FRK: variants seen among roughly 807,000 people sequenced by gnomAD.
The protein encoded by FRK is fyn related Src family tyrosine kinase.
FRK carries 51 observed loss-of-function variants against 56.4 expected under a neutral mutation model. The ratio of observed to expected loss-of-function variants is 0.90; its 90% confidence interval spans 0.72 to 1.14. FRK has a LOEUF of 1.14. Among genes scored for constraint, FRK ranks in the 50% most tolerant of loss-of-function variants. The pLI is 0.00. For missense variants in FRK, 570 were observed against 601.4 expected (o/e 0.95, Z 0.55); for synonymous variants, 245 against 217.9 (o/e 1.12, Z -1.10).
At chr6:116,082,877 G>T in the FRK span, among the ~76,000 whole-genome samples, 1 of 152,092 alleles carries the variant, frequency 6.6e-6, no homozygotes, top group Non-Finnish European at 1.5e-5. Context: ...TAAGTCATCA[G>T]ATCAGATTTA....
Position 115,943,057 on chromosome 6 carries a change from A to C in FRK, c.1269T>G (p.Leu423=), listed in dbSNP as rs748939342. Residue 423 remains leucine (L), a synonymous_variant, in exon 7 of 8, where the codon CTT becomes CTG. Coordinates refer to ENST00000606080, the MANE Select transcript of FRK (RefSeq NM_002031.3). ...KSDVWSFGIL[L]YEIITYGKMP... The stretch of plus-strand genomic sequence containing the variant: ...TTTTGCCATAAGTAATGATTTCATA[A>C]AGAAGGATTCCAAATGACCATACAT... 3 of 1,613,130 alleles carry C rather than the reference A, an allele frequency of 1.9e-6. No individual in the cohort carries two copies. Among genetic ancestry groups the C allele is most frequent in the Admixed American group, 1.7e-5 (1 of 59,802 alleles).
Position 115,942,445 on chromosome 6 carries a change from G to A in FRK, c.1487C>T (p.Ser496Leu). 6.2e-7 allele frequency: 1 copy of A among 1,613,398 alleles called. No individual in the cohort carries two copies. The change falls in exon 8 of 8, where the codon TCA becomes TTA. Residue 496 changes from serine to leucine, a missense_variant. Physicochemically the swap from Ser to Leu is moderately radical, Grantham distance 145. Coordinates refer to ENST00000606080, the MANE Select transcript of FRK (RefSeq NM_002031.3). ...TATGAAGTTATTTGCATCTGAATAT[G>A]AAGAGTCTGTTTCAAAATAGTCTTC... ...KLEDYFETDS[S>L]YSDANNFIR is the part of the protein sequence containing the mutation.
chr6:116,025,406 C>T (rs1776051162), intron 1 of FRK, among the ~76,000 whole-genome samples: 2 of 152,010 alleles, frequency 1.3e-5, no homozygotes, highest in Admixed American at 1.3e-4. Flanking sequence ...TCACTTTATT[C>T]AAAAAATGAC....
At chr6:116,013,308 G>C (rs1775539419) in intron 1 of FRK, among the ~76,000 whole-genome samples, 1 of 151,998 alleles carries the variant, frequency 6.6e-6, no homozygotes, top group Non-Finnish European at 1.5e-5. Flanking sequence ...TCAATCTCAG[G>C]GCACTTTTTT....
the FRK span, among the ~76,000 whole-genome samples, chr6:116,080,963 A>G: frequency 6.6e-6 from 1 of 152,154 alleles, no homozygotes; most frequent in Non-Finnish European, 1.5e-5. Flanking sequence ...GGTTTAATTG[A>G]CTCACTGTTC....
At chr6:116,008,346 AGAATT>A (rs1181569190) in intron 1 of FRK, among the ~76,000 whole-genome samples, 2 of 152,236 alleles carry the variant, frequency 1.3e-5, no homozygotes, top group South Asian at 2.1e-4. Flanking sequence ...AAATCACACT[AGAATT>A]GAATCCATAG....
Position 115,953,180 on chromosome 6 carries a change from A to ACTTTTTTTTTTT in FRK, c.958+3271_958+3272insAAAAAAAAAAAG, listed in dbSNP as rs34026302. ...AGAGTGGTACATCCATTTTAAGGCC[A>ACTTTTTTTTTTT]TTTTTTTTTTTTTTTTTTTTTTTTT... On this transcript the variant is annotated intron_variant, in intron 5 of 7. Coordinates refer to ENST00000606080, the MANE Select transcript of FRK (RefSeq NM_002031.3). Among the ~76,000 whole-genome samples the ACTTTTTTTTTTT allele has an allele frequency of 2.9e-5, 3 of 104,032 alleles. 1 individual carries two copies. Among genetic ancestry groups the ACTTTTTTTTTTT allele is most frequent in the African/African-American group, 3.7e-5 (1 of 27,214 alleles). 68.2% of individuals were successfully genotyped at this position (104,032 alleles called of 152,430 possible). A position where few individuals can be genotyped will look rare whatever the true frequency, so the allele number is the denominator to read the frequency against.
chr6:115,977,744 T>C (rs1488437943), intron 2 of FRK, among the ~76,000 whole-genome samples: 2 of 152,142 alleles, frequency 1.3e-5, no homozygotes, highest in Non-Finnish European at 2.9e-5. Flanking sequence ...GCCTGAACCA[T>C]ACATTGGTTC....
chr6:116,098,693 A>G, the FRK span, among the ~76,000 whole-genome samples: 1 of 152,216 alleles, frequency 6.6e-6, no homozygotes, highest in African/African-American at 2.4e-5. Context: ...CTTGTAGTTG[A>G]TAATACAAGA....
chr6:116,096,508 T>G, the FRK span, among the ~76,000 whole-genome samples: 1 of 152,132 alleles, frequency 6.6e-6, no homozygotes, highest in Admixed American at 6.5e-5. Flanking sequence ...ATCAGCACTC[T>G]GTAAAAACGC....
chr6:115,958,847 G>T lies in FRK; in HGVS notation c.800-2237C>A, dbSNP rs984464321. ...AAGAAAGAAAGAAAGAAAGAGAAAG[G>T]AAAAAGAAAATTATATATACAATAT... On this transcript the variant is annotated intron_variant, in intron 4 of 7. Transcript: ENST00000606080. Among the ~76,000 whole-genome samples the T allele has an allele frequency of 1.2e-4, 16 of 134,266 alleles. No homozygotes were observed. The East Asian group carries it at 3.5e-3, about 29-fold the overall frequency. The allele number at this position is 134,266 out of a possible 152,430, so 88.1% of individuals were successfully genotyped here. A position where few individuals can be genotyped will look rare whatever the true frequency, so the allele number is the denominator to read the frequency against.
the FRK span, among the ~76,000 whole-genome samples, chr6:116,071,726 C>G: frequency 6.6e-6 from 1 of 152,130 alleles, no homozygotes; most frequent in Admixed American, 6.5e-5. Flanking sequence ...ACTGATTCAA[C>G]AAATATTTAT....
At chr6:116,029,189 C>T (rs1208323867) in intron 1 of FRK, among the ~76,000 whole-genome samples, 1 of 152,160 alleles carries the variant, frequency 6.6e-6, no homozygotes, top group East Asian at 1.9e-4. Context: ...AATAGTGACA[C>T]CACTCATCTC....
At chr6:115,961,668 G>C (rs1236307599) in intron 4 of FRK, among the ~76,000 whole-genome samples, 2 of 61,562 alleles carry the variant, frequency 3.2e-5, no homozygotes, top group African/African-American at 6.2e-5. Context: ...ACCCTCAAAG[G>C]AAAGCCCATC....
the FRK span, among the ~76,000 whole-genome samples, chr6:116,072,597 C>T: frequency 3.3e-5 from 5 of 151,810 alleles, no homozygotes; most frequent in South Asian, 6.3e-4. Flanking sequence ...TGCAGTTACA[C>T]GTGTTTCCTT....
intron 1 of FRK, among the ~76,000 whole-genome samples, chr6:116,043,676 T>TATTAGAG (rs1166617834): frequency 1.3e-5 from 2 of 151,758 alleles, no homozygotes; most frequent in Non-Finnish European, 2.9e-5. Context: ...CAATTAAAAG[T>TATTAGAG]ATTAGAGACG....
chr6:115,968,401 T>C (rs1773669022), intron 3 of FRK, among the ~76,000 whole-genome samples, 175 bp downstream of exon 3: 1 of 152,150 alleles, frequency 6.6e-6, no homozygotes, highest in Non-Finnish European at 1.5e-5. Flanking sequence ...ATAAAACTTA[T>C]TTACAAAAAC....
rs772373945 is a variant in FRK at position 115,944,262 on chromosome 6, T to C, written c.1122A>G (p.Gly374=). 1 of 1,607,618 alleles carries C rather than the reference T, an allele frequency of 6.2e-7. No homozygotes were observed. The highest frequency in any genetic ancestry group is 8.5e-7 in the Non-Finnish European group (1 of 1,178,452). ...EHNIYKVADF[G]LARVFKVDNE... ...AATCCACCTTAAAAACTCTGGCAAG[T>C]CCAAAATCTGCTACTTTGTAGATAT... Residue 374 remains glycine (G), a synonymous_variant, in exon 6 of 8, where the codon GGA becomes GGG. Coordinates refer to ENST00000606080, the MANE Select transcript of FRK (RefSeq NM_002031.3).
chr6:116,069,771 G>A, the FRK span, among the ~76,000 whole-genome samples: 1 of 152,126 alleles, frequency 6.6e-6, no homozygotes, highest in Non-Finnish European at 1.5e-5. Flanking sequence ...ATTCCTTGGG[G>A]ATTTGGGCTT....
Sources: gnomAD v4.1 joint callset for allele counts (sites outside exome capture counted in the v4.1 genomes callset) on GRCh38, gnomAD v4.1.1 for gene constraint, MANE v1.5 for transcripts, NCBI Gene and HGNC (gene_info 2026-07-23, HGNC 2026-07-21) for gene names.